MTAP: variants seen among roughly 807,000 people sequenced by gnomAD.
The protein encoded by MTAP is S-methyl-5'-thioadenosine phosphorylase.
A neutral mutation model predicts 33.6 loss-of-function variants in MTAP; 33 were observed. That is an observed-to-expected ratio of 0.98 (90% CI 0.74 to 1.31). The LOEUF is 1.31. Ranked by LOEUF, MTAP falls within the 40% of genes most tolerant of loss-of-function variation. The probability of loss-of-function intolerance (pLI) is 0.00; values close to 1 mark genes in which losing one functional copy is unlikely to be tolerated. For synonymous variants in MTAP, 148 were observed against 125.7 expected (o/e 1.18, Z -1.19); for missense variants, 367 against 360.0 (o/e 1.02, Z -0.16).
intron 1 of MTAP, among the ~76,000 whole-genome samples, chr9:21,891,251 T>C (rs1205808086): frequency 6.6e-6 from 1 of 152,056 alleles, no homozygotes; most frequent in African/African-American, 2.4e-5. Flanking sequence ...TACCTCAAAA[T>C]GACCACACTA....
intron 4 of MTAP, among the ~76,000 whole-genome samples, chr9:21,827,760 A>G (rs1824859330): frequency 6.6e-6 from 1 of 152,154 alleles, no homozygotes; most frequent in African/African-American, 2.4e-5. Flanking sequence ...TTGAATAGAG[A>G]GATAGGCTGG....
chr9:21,905,310 C>T (rs546529695), intron 1 of MTAP, among the ~76,000 whole-genome samples: 113 of 152,140 alleles, frequency 7.4e-4, no homozygotes, highest in Non-Finnish European at 1.4e-3. Context: ...GTCCAGTTGC[C>T]TGTGTGTGTG....
chr9:21,851,093 C>T (rs953624871), intron 5 of MTAP, among the ~76,000 whole-genome samples: 1 of 152,088 alleles, frequency 6.6e-6, no homozygotes, highest in Non-Finnish European at 1.5e-5. Flanking sequence ...ATTACCATGC[C>T]CTGTAATTAA....
Position 21,865,808 on chromosome 9 carries a change from A to G in MTAP, c.*3794A>G, listed in dbSNP as rs1825844345. On this transcript the variant is annotated 3_prime_UTR_variant, in exon 8 of 8. Transcript: ENST00000644715. Reference sequence around the variant, plus strand: ...CATGCATTATTTCTTTGTTTTGAAGATTCACTCATGTTGCATGCATCTGTA... The same window carrying G: ...CATGCATTATTTCTTTGTTTTGAAGGTTCACTCATGTTGCATGCATCTGTA... The G allele has an allele frequency of 9.9e-7, 1 of 1,011,418 alleles. No homozygotes were observed. Among genetic ancestry groups the G allele is most frequent in the African/African-American group, 1.7e-5 (1 of 58,208 alleles). The allele number at this position is 1,011,418 out of a possible 1,614,324, so 62.7% of individuals were successfully genotyped here.
rs554187625 is a variant in MTAP at position 21,863,939 on chromosome 9, A to C, written c.*1925A>C. ...CTTCCTGATGTAGTATTAAATTTCA[A>C]CTCTGGTTATCCATTAGCAATCTGT... On this transcript the variant is annotated 3_prime_UTR_variant, in exon 8 of 8. Coordinates refer to ENST00000644715, the MANE Select transcript of MTAP (RefSeq NM_002451.4). 6.7e-5 allele frequency: 66 copies of C among 985,780 alleles called. No homozygotes were observed. The African/African-American group carries it at 1.1e-3, about 16-fold the overall frequency. The allele number at this position is 985,780 out of a possible 1,614,324, so 61.1% of individuals were successfully genotyped here. A position where few individuals can be genotyped will look rare whatever the true frequency, so the allele number is the denominator to read the frequency against.
chr9:21,810,314 C>G (rs76823005), intron 1 of MTAP, among the ~76,000 whole-genome samples: 2 of 152,136 alleles, frequency 1.3e-5, no homozygotes, highest in Admixed American at 1.3e-4. Flanking sequence ...CAACAGTTTT[C>G]TTAGTCTGTT....
intron 5 of MTAP, among the ~76,000 whole-genome samples, chr9:21,846,840 G>C (rs117884466): frequency 6.6e-6 from 1 of 152,200 alleles, no homozygotes; most frequent in African/African-American, 2.4e-5. Flanking sequence ...CTAAATGCCC[G>C]TTGACCAATG....
At chr9:21,820,753 A>G (rs1381012895) in intron 4 of MTAP, among the ~76,000 whole-genome samples, 2 of 152,218 alleles carry the variant, frequency 1.3e-5, no homozygotes, top group Admixed American at 6.5e-5. Flanking sequence ...CTACCTATCC[A>G]TGAGCATGGA....
At position 21,866,388 on chromosome 9, in the gene MTAP, T is replaced by TA. The variant is rs991643413; in HGVS notation, c.*4375dup. 1 of 152,140 alleles carries TA rather than the reference T, an allele frequency of 6.6e-6. No individual in the cohort carries two copies. Among genetic ancestry groups the TA allele is most frequent in the African/African-American group, 2.4e-5 (1 of 41,418 alleles). 9.4% of individuals were successfully genotyped at this position (152,140 alleles called of 1,614,324 possible). ...ACAAGTTTTTCATTTTGACGAAGCC[T>TA]AGTTTATCAATTTTTTTTATGGTTG... On this transcript the variant is annotated 3_prime_UTR_variant, in exon 8 of 8. Coordinates refer to ENST00000644715, the MANE Select transcript of MTAP (RefSeq NM_002451.4).
intron 5 of MTAP, among the ~76,000 whole-genome samples, chr9:21,852,521 A>G (rs1825540744): frequency 6.6e-6 from 1 of 151,770 alleles, no homozygotes; most frequent in Non-Finnish European, 1.5e-5. Context: ...AAAAAAAAAA[A>G]AAAAATGATG....
At chr9:21,823,876 C>T (rs944835652) in intron 4 of MTAP, among the ~76,000 whole-genome samples, 1 of 152,182 alleles carries the variant, frequency 6.6e-6, no homozygotes, top group Non-Finnish European at 1.5e-5. Flanking sequence ...ATCACTGATA[C>T]CCTTTCTTCC....
chr9:21,843,249 T>C (rs1825296087), intron 5 of MTAP, among the ~76,000 whole-genome samples: 1 of 152,090 alleles, frequency 6.6e-6, no homozygotes, highest in Non-Finnish European at 1.5e-5. Context: ...ACACTTGAGC[T>C]CCCAAATATA....
At chr9:21,934,339 G>T (rs1198346712), downstream of MTAP, 1 of 152,200 alleles carries the variant, frequency 6.6e-6, no homozygotes, top group Non-Finnish European at 1.5e-5. This position sits in a 1 kb window ranked among gnomAD's most constrained non-coding sequence, Gnocchi z 5.0. Context: ...CATCCACAAG[G>T]ACTCAAATAT....
In MTAP at chr9:21,859,409, C is replaced by G. The variant is rs1825707630; in HGVS notation, c.797C>G (p.Thr266Ser). 2 of 1,611,620 alleles carry G rather than the reference C, an allele frequency of 1.2e-6. No individual in the cohort carries two copies. Among genetic ancestry groups the G allele is most frequent in the Non-Finnish European group, 1.7e-6 (2 of 1,179,156 alleles). ...ATAGGGTCCACAGAATGGTCAGAAA[C>G]CCTCCATAACCTGAAGGTAAGTGTC... ...PQIGSTEWSE[T>S]LHNLKNMAQF... is the part of the protein sequence containing the mutation. The change falls in exon 7 of 8, where the codon ACC (threonine) becomes AGC (serine). Residue 266 changes from threonine to serine, a missense_variant. Transcript: ENST00000644715.
chr9:21,821,021 T>G (rs1459504991), intron 4 of MTAP, among the ~76,000 whole-genome samples: 1 of 152,244 alleles, frequency 6.6e-6, no homozygotes, highest in Non-Finnish European at 1.5e-5. Context: ...TAAGGAGATT[T>G]TGGGCTGAGA....
chr9:21,924,902 A>ATT (rs1818845510), intron 1 of MTAP, among the ~76,000 whole-genome samples: 3 of 152,264 alleles, frequency 2.0e-5, no homozygotes, highest in African/African-American at 4.8e-5. Flanking sequence ...AAAGGGTTCC[A>ATT]TAAACTGGGC....
intron 4 of MTAP, among the ~76,000 whole-genome samples, chr9:21,819,047 G>T (rs989051893): frequency 1.3e-5 from 2 of 151,820 alleles, no homozygotes; most frequent in Non-Finnish European, 2.9e-5. Flanking sequence ...TTAACATAAT[G>T]TCCAGGTTCA....
chr9:21,905,547 T>C (rs1328267310), intron 1 of MTAP, among the ~76,000 whole-genome samples: 2 of 152,074 alleles, frequency 1.3e-5, no homozygotes, highest in African/African-American at 4.8e-5. Context: ...CTAGAAAATA[T>C]AAAATTTTTT....
chr9:21,837,128 C>T (rs1222783860), intron 4 of MTAP, among the ~76,000 whole-genome samples: 2 of 137,108 alleles, frequency 1.5e-5, no homozygotes, highest in African/African-American at 2.5e-5. Flanking sequence ...TTTAGCCTCT[C>T]TTATGGATTC....
Sources: gnomAD v4.1 joint callset for allele counts (sites outside exome capture counted in the v4.1 genomes callset) on GRCh38, gnomAD v4.1.1 for gene constraint, Gnocchi (gnomAD v3.1) non-coding constraint, MANE v1.5 for transcripts, NCBI Gene and HGNC (gene_info 2026-07-23, HGNC 2026-07-21) for gene names.